The following OSBP2 variants were observed in gnomAD, a reference collection of about 807,000 sequenced individuals.
The protein encoded by OSBP2 is oxysterol binding protein 2.
Under a neutral mutation model 96.0 loss-of-function variants are expected in OSBP2, and 66 were observed. The observed-to-expected ratio is 0.69, with a 90% CI of 0.56 to 0.84. The LOEUF (loss-of-function observed/expected upper bound fraction) is 0.84. OSBP2 is among the 40% of genes least tolerant of loss of function. The pLI is 0.00. For synonymous variants in OSBP2, 525 were observed against 520.9 expected (o/e 1.01, Z -0.11); for missense variants, 1,038 against 1,222.7 (o/e 0.85, Z 2.25).
intron 3 of OSBP2, among the ~76,000 whole-genome samples, chr22:30,877,774 C>T (rs117956183): frequency 0.036 from 5,464 of 152,306 alleles, 132 homozygotes; most frequent in Non-Finnish European, 0.054. Context: ...CAGACTGCAC[C>T]TGACTCGACC....
chr22:30,877,166 G>A (rs896910181), intron 3 of OSBP2, among the ~76,000 whole-genome samples: 1 of 151,952 alleles, frequency 6.6e-6, no homozygotes, highest in Non-Finnish European at 1.5e-5. Flanking sequence ...GAGAGAGGAG[G>A]GGTGGGGAGA....
At chr22:30,892,423 C>T (rs1335426562) in intron 8 of OSBP2, among the ~76,000 whole-genome samples, 1 of 152,018 alleles carries the variant, frequency 6.6e-6, no homozygotes, top group African/African-American at 2.4e-5. Flanking sequence ...GATCCCGGCT[C>T]TGCCTGTCTG....
At chr22:30,824,214 C>T (rs2146986382) in intron 2 of OSBP2, among the ~76,000 whole-genome samples, 1 of 152,274 alleles carries the variant, frequency 6.6e-6, no homozygotes, top group East Asian at 1.9e-4. Flanking sequence ...TCCATCTTAT[C>T]CTTCTGTTGG....
chr22:30,732,545 G>T (rs560026380), intron 1 of OSBP2, among the ~76,000 whole-genome samples: 11 of 152,258 alleles, frequency 7.2e-5, no homozygotes, highest in Non-Finnish European at 1.0e-4. Context: ...AGTGGTTGTG[G>T]CAGTGTCCAG....
intron 2 of OSBP2, among the ~76,000 whole-genome samples, chr22:30,869,435 G>C (rs1216036089): frequency 6.6e-6 from 1 of 152,268 alleles, no homozygotes; most frequent in African/African-American, 2.4e-5. Flanking sequence ...GAATGGCTGT[G>C]TTCCTGCAGG....
At chr22:30,856,393 T>TCC (rs796304401) in intron 2 of OSBP2, among the ~76,000 whole-genome samples, 1 of 125,668 alleles carries the variant, frequency 8.0e-6, no homozygotes, top group African/African-American at 3.2e-5. Flanking sequence ...TTTTTTTTTT[T>TCC]TTTTTTTTTT....
At chr22:30,839,584 T>C (rs2038705447) in intron 2 of OSBP2, among the ~76,000 whole-genome samples, 1 of 152,204 alleles carries the variant, frequency 6.6e-6, no homozygotes, top group South Asian at 2.1e-4. Context: ...TTGATTTGCA[T>C]TTCTCTGATG....
chr22:30,905,900 G>A lies in OSBP2; in HGVS notation c.2439G>A (p.Glu813=), dbSNP rs751766791. Residue 813 remains glutamate (E), a synonymous_variant, in exon 13 of 14, where the codon GAG becomes GAA. Coordinates refer to ENST00000332585, the MANE Select transcript of OSBP2 (RefSeq NM_030758.4). ...ELALTLNEHE[E]GVAPTDSRLR... ...CCCTGACCCTCAACGAGCACGAGGA[G>A]GGCGTAGCGCCAACCGACAGCCGCC... The A allele has an allele frequency of 1.2e-6, 2 of 1,613,244 alleles. No homozygotes were observed. Among genetic ancestry groups the A allele is most frequent in the East Asian group, 2.2e-5 (1 of 44,874 alleles).
chr22:30,775,036 T>C (rs1196845115), intron 2 of OSBP2, among the ~76,000 whole-genome samples: 2 of 152,192 alleles, frequency 1.3e-5, no homozygotes, highest in Non-Finnish European at 2.9e-5. Flanking sequence ...ATTTCCCCCA[T>C]TATTACTATT....
At chr22:30,842,881 G>A (rs2038783244) in intron 2 of OSBP2, among the ~76,000 whole-genome samples, 1 of 152,130 alleles carries the variant, frequency 6.6e-6, no homozygotes, top group Non-Finnish European at 1.5e-5. Flanking sequence ...CTGGGTTCAA[G>A]CGATTCTCCT....
chr22:30,739,488 G>A (rs993190784), intron 1 of OSBP2, among the ~76,000 whole-genome samples: 1 of 151,616 alleles, frequency 6.6e-6, no homozygotes, highest in African/African-American at 2.4e-5. Flanking sequence ...TTTTTTGTTT[G>A]TTTTGAGACA....
intron 2 of OSBP2, among the ~76,000 whole-genome samples, chr22:30,839,924 A>G (rs1237222313): frequency 6.6e-6 from 1 of 152,046 alleles, no homozygotes; most frequent in African/African-American, 2.4e-5. Context: ...GCCCATGCCT[A>G]TGTCCTGAAT....
intron 2 of OSBP2, among the ~76,000 whole-genome samples, chr22:30,828,324 T>C (rs955078445): frequency 3.3e-5 from 5 of 152,154 alleles, no homozygotes; most frequent in Admixed American, 3.3e-4. Flanking sequence ...GTAGGGCACA[T>C]AGTGTCCACA....
At chr22:30,820,876 A>C (rs1299142104) in intron 2 of OSBP2, among the ~76,000 whole-genome samples, 1 of 152,170 alleles carries the variant, frequency 6.6e-6, no homozygotes, top group East Asian at 1.9e-4. Flanking sequence ...CAGGTGAAAG[A>C]AGTACTCAGT....
At chr22:30,701,139 C>G (rs938283375) in intron 1 of OSBP2, among the ~76,000 whole-genome samples, 2 of 150,134 alleles carry the variant, frequency 1.3e-5, no homozygotes, top group African/African-American at 4.9e-5. Flanking sequence ...GACCACTGAA[C>G]ACTTGGTGAG....
At chr22:30,762,018 C>T (rs965166791) in intron 2 of OSBP2, among the ~76,000 whole-genome samples, 2 of 147,914 alleles carry the variant, frequency 1.4e-5, no homozygotes, top group Admixed American at 6.7e-5. Flanking sequence ...CCCAGGAGTT[C>T]GAGACCAGCC....
At chr22:30,902,559 GA>G in intron 12 of OSBP2, 1 of 1,113,354 alleles carries the variant, frequency 9.0e-7, no homozygotes, top group South Asian at 1.2e-5. Flanking sequence ...AGGTGACTGG[GA>G]AACAGGCCCC....
intron 2 of OSBP2, among the ~76,000 whole-genome samples, chr22:30,763,018 C>T (rs2090225626): frequency 6.6e-6 from 1 of 152,206 alleles, no homozygotes; most frequent in Non-Finnish European, 1.5e-5. Context: ...GTGGCTCCCA[C>T]ACTTACCCAC....
At chr22:30,841,042 G>A (rs1011554526) in intron 2 of OSBP2, among the ~76,000 whole-genome samples, 1 of 152,032 alleles carries the variant, frequency 6.6e-6, no homozygotes, top group Non-Finnish European at 1.5e-5. Flanking sequence ...GCGGGCACCT[G>A]TAACCCCAGC....
Sources: gnomAD v4.1 joint callset for allele counts (sites outside exome capture counted in the v4.1 genomes callset) on GRCh38, gnomAD v4.1.1 for gene constraint, MANE v1.5 for transcripts, NCBI Gene and HGNC (gene_info 2026-07-23, HGNC 2026-07-21) for gene names.